GRWD1: variants seen among roughly 807,000 people sequenced by gnomAD.
GRWD1 encodes glutamate-rich WD repeat-containing protein 1.
A neutral mutation model predicts 45.3 loss-of-function variants in GRWD1; 29 were observed. That is an observed-to-expected ratio of 0.64 (90% CI 0.48 to 0.87). GRWD1 has a LOEUF of 0.87. GRWD1 is among the 40% of genes least tolerant of loss of function. GRWD1 has a pLI of 0.00. For missense variants in GRWD1, 592 were observed against 618.8 expected, an observed-to-expected ratio of 0.96 and a Z score of 0.46; for synonymous variants, 262 against 257.6, an observed-to-expected ratio of 1.02 and a Z score of -0.16.
chr19:48,447,779 G>A (rs976621035), intron 3 of GRWD1, among the ~76,000 whole-genome samples: 2 of 152,202 alleles, frequency 1.3e-5, no homozygotes, highest in African/African-American at 2.4e-5. Flanking sequence ...AGATTATGAG[G>A]ATATGGTTTA....
rs73942284 is a variant in GRWD1, at chr19:48,454,818, G to A, written c.*1793G>A. The A allele has an allele frequency of 0.11, 16,459 of 151,902 alleles. 1,505 individuals carry two copies. Among genetic ancestry groups the A allele is most frequent in the African/African-American group, 0.25 (10,441 of 41,210 alleles). 9.4% of individuals were successfully genotyped at this position (151,902 alleles called of 1,614,324 possible). ...TTTCTCACTGGCTTCCATCCTTTCA[G>A]AGAAACCCTCTCAGTCTGTCTGTCT... On this transcript the variant is annotated 3_prime_UTR_variant, in exon 7 of 7. Coordinates refer to ENST00000253237, the MANE Select transcript of GRWD1 (RefSeq NM_031485.4).
intron 3 of GRWD1, among the ~76,000 whole-genome samples, chr19:48,449,593 C>A (rs987270618): frequency 6.6e-6 from 1 of 152,172 alleles, no homozygotes; most frequent in South Asian, 2.1e-4. Flanking sequence ...AAAGCTGATG[C>A]AGAAGGATCG....
intron 3 of GRWD1, among the ~76,000 whole-genome samples, chr19:48,449,869 G>A (rs1971451158): frequency 6.6e-6 from 1 of 152,140 alleles, no homozygotes; most frequent in African/African-American, 2.4e-5. Flanking sequence ...CTGGAGCCCA[G>A]GGGAGAGGTC....
At chr19:48,449,502 T>G (rs553817751) in intron 3 of GRWD1, among the ~76,000 whole-genome samples, 1 of 152,120 alleles carries the variant, frequency 6.6e-6, no homozygotes, top group Non-Finnish European at 1.5e-5. Context: ...CAGGTGGCAA[T>G]TAGGAGCTTG....
intron 1 of GRWD1, 52 bp from the exon 2 acceptor site, chr19:48,446,333 C>G (rs1472275775): frequency 3.2e-6 from 5 of 1,581,260 alleles, no homozygotes; most frequent in Non-Finnish European, 4.3e-6. Context: ...GAGGTGGGGA[C>G]TGAGCTCTTA....
At chr19:48,449,247 G>A (rs1024631053) in intron 3 of GRWD1, among the ~76,000 whole-genome samples, 3 of 152,066 alleles carry the variant, frequency 2.0e-5, no homozygotes, top group Non-Finnish European at 4.4e-5. Context: ...CCACCCACCA[G>A]CACGCCCGAC....
At position 48,453,285 on chromosome 19, in the gene GRWD1, C is replaced by T. The variant is rs937478263; in HGVS notation, c.*260C>T. 7 of 410,852 alleles carry T rather than the reference C, an allele frequency of 1.7e-5. No homozygotes were observed. Among genetic ancestry groups the T allele is most frequent in the South Asian group, 5.7e-5 (1 of 17,526 alleles). 25.5% of individuals were successfully genotyped at this position (410,852 alleles called of 1,614,324 possible). A position where few individuals can be genotyped will look rare whatever the true frequency, so the allele number is the denominator to read the frequency against. On this transcript the variant is annotated 3_prime_UTR_variant, in exon 7 of 7. Transcript: ENST00000253237. ...GTGTGGCCTGGTGTGGCCTGTGTGT[C>T]GGATTCCTTCCTGTCAGCTGTGACC... is the stretch of plus-strand genomic sequence containing the variant.
At chr19:48,451,769 C>T (rs556267461) in intron 6 of GRWD1, among the ~76,000 whole-genome samples, 3 of 152,290 alleles carry the variant, frequency 2.0e-5, no homozygotes, top group Non-Finnish European at 4.4e-5. Flanking sequence ...TCTGCCTTCC[C>T]GGGCTGCCAT....
rs1043520859 is a variant in GRWD1, at chr19:48,453,125, C to T, written c.*100C>T. 1.6e-5 allele frequency: 17 copies of T among 1,091,112 alleles called. No homozygotes were observed. Among genetic ancestry groups the T allele is most frequent in the South Asian group, 4.7e-5 (3 of 64,150 alleles). The allele number at this position is 1,091,112 out of a possible 1,614,324, so 67.6% of individuals were successfully genotyped here. ...TTCAGGTCTGTTGACTGAGACTGGCCGGCCTGTGGGCTGCCGTGATGGATT... is the reference window on the plus strand; with the variant it reads ...TTCAGGTCTGTTGACTGAGACTGGCTGGCCTGTGGGCTGCCGTGATGGATT... On this transcript the variant is annotated 3_prime_UTR_variant, in exon 7 of 7. Coordinates refer to ENST00000253237, the MANE Select transcript of GRWD1 (RefSeq NM_031485.4).
At position 48,451,122 on chromosome 19, in the gene GRWD1, C is replaced by G; in HGVS notation, c.914C>G (p.Thr305Ser). 6.2e-7 allele frequency: 1 copy of G among 1,614,158 alleles called. No homozygotes were observed. Among genetic ancestry groups the G allele is most frequent in the Non-Finnish European group, 8.5e-7 (1 of 1,180,002 alleles). ...AAGGCCTGCATGCTCACCACAGCCA[C>G]CGCCCATGATGGGGACGTCAATGTC... ...PSKACMLTTA[T>S]AHDGDVNVIS... The change falls in exon 6 of 7, where the codon ACC (threonine) becomes AGC (serine). Residue 305 changes from threonine (T) to serine (S), a missense_variant. Transcript: ENST00000253237.
At position 48,456,385 on chromosome 19, in the gene GRWD1, G is replaced by A. The variant is rs7257118; in HGVS notation, c.*3360G>A. 0.17 allele frequency: 25,468 copies of A among 152,320 alleles called. 4,103 individuals are homozygous for A. Among genetic ancestry groups the A allele is most frequent in the African/African-American group, 0.42 (17,453 of 41,502 alleles). The allele number at this position is 152,320 out of a possible 1,614,324, so 9.4% of individuals were successfully genotyped here. ...CAGTCTCTAACATGCAGGGTTGTCAGGGGTGAGATAGAGTCAAGGTTGGGG... is the reference window on the plus strand; with the variant it reads ...CAGTCTCTAACATGCAGGGTTGTCAAGGGTGAGATAGAGTCAAGGTTGGGG... On this transcript the variant is annotated 3_prime_UTR_variant, in exon 7 of 7. Transcript: ENST00000253237.
chr19:48,450,391 C>A lies in GRWD1; in HGVS notation c.547C>A (p.Leu183Ile). Residue 183 changes from leucine to isoleucine, a missense_variant, in exon 4 of 7, where the codon CTT becomes ATT. By Grantham distance (5) the Leu-to-Ile change is conservative. Transcript: ENST00000253237. The surrounding 1 kb of genome is among the most constrained non-coding windows in gnomAD (Gnocchi z 5.1). ...GGTGGAGGTGTTTGCGCTGCGGCGGCTTCTGCAGGTGGTGGAGGAGCCCCA... is the reference window on the plus strand; with the variant it reads ...GGTGGAGGTGTTTGCGCTGCGGCGGATTCTGCAGGTGGTGGAGGAGCCCCA... ...GQVEVFALRRLLQVVEEPQAL... is the reference protein window; with the variant it reads ...GQVEVFALRRILQVVEEPQAL... The A allele has an allele frequency of 1.2e-6, 2 of 1,613,822 alleles. No individual in the cohort carries two copies.
At chr19:48,449,368 A>G (rs1971445371) in intron 3 of GRWD1, among the ~76,000 whole-genome samples, 1 of 152,172 alleles carries the variant, frequency 6.6e-6, no homozygotes, top group Non-Finnish European at 1.5e-5. Flanking sequence ...CTGGGATTAC[A>G]GGTGCGAGCC....
Position 48,452,808 on chromosome 19 carries a change from A to G in GRWD1, c.1124A>G (p.Asp375Gly), listed in dbSNP as rs1971491215. 6.2e-7 allele frequency: 1 copy of G among 1,613,042 alleles called. No homozygotes were observed. The highest frequency in any genetic ancestry group is 8.5e-7 in the Non-Finnish European group (1 of 1,179,252). ...GGGGTCTTTGCAGCCTCGGGTGCAGACCACCAGATCACACAGTGGGACCTG... is the reference window on the plus strand; with the variant it reads ...GGGGTCTTTGCAGCCTCGGGTGCAGGCCACCAGATCACACAGTGGGACCTG... ...DSGVFAASGA[D>G]HQITQWDLAV... The change falls in exon 7 of 7, where the codon GAC becomes GGC. Residue 375 changes from aspartate (D) to glycine (G), a missense_variant. Coordinates refer to ENST00000253237, the MANE Select transcript of GRWD1 (RefSeq NM_031485.4). This position sits in a 1 kb window ranked among gnomAD's most constrained non-coding sequence, Gnocchi z 5.1.
At position 48,451,251 on chromosome 19, in the gene GRWD1, C is replaced by A; in HGVS notation, c.1023+20C>A. On this transcript the variant is annotated intron_variant, in intron 6 of 6. Coordinates refer to ENST00000253237, the MANE Select transcript of GRWD1 (RefSeq NM_031485.4). ...TTCAAGGTATTTTCCCAGCCGGACA[C>A]CTGGGGGCTAGAGAAGCTTGCTCCC... The A allele has an allele frequency of 6.5e-7, 1 of 1,548,700 alleles. No individual in the cohort carries two copies. Among genetic ancestry groups the A allele is most frequent in the Non-Finnish European group, 8.7e-7 (1 of 1,142,912 alleles).
chr19:48,447,070 C>CTTT lies in GRWD1; in HGVS notation c.468+227_468+228insTTT, dbSNP rs2047466507. 1.6e-5 allele frequency among the ~76,000 whole-genome samples: 2 copies of CTTT among 124,120 alleles called. 1 individual carries two copies. The allele number at this position is 124,120 out of a possible 152,430, so 81.4% of individuals were successfully genotyped here. Reference sequence around the variant, plus strand: ...CAAGCGTGAGCCACCGTGCCTGGCCCATTTTTTTTTTTTTTTTTTTTGAGA... The same window carrying CTTT: ...CAAGCGTGAGCCACCGTGCCTGGCCCTTTATTTTTTTTTTTTTTTTTTTTGAGA... On this transcript the variant is annotated intron_variant, in intron 3 of 6. Coordinates refer to ENST00000253237, the MANE Select transcript of GRWD1 (RefSeq NM_031485.4).
At position 48,450,214 on chromosome 19, in the gene GRWD1, G is replaced by A. The variant is rs908758350; in HGVS notation, c.469-99G>A. The A allele has an allele frequency of 1.4e-5, 13 of 906,552 alleles. No individual in the cohort carries two copies. Among genetic ancestry groups the A allele is most frequent in the East Asian group, 1.1e-4 (4 of 37,838 alleles). The allele number at this position is 906,552 out of a possible 1,614,324, so 56.2% of individuals were successfully genotyped here. A position where few individuals can be genotyped will look rare whatever the true frequency, so the allele number is the denominator to read the frequency against. On this transcript the variant is annotated intron_variant, in intron 3 of 6. Transcript: ENST00000253237. The surrounding 1 kb of genome is among the most constrained non-coding windows in gnomAD (Gnocchi z 5.1). ...CCAGGCCTGGGAGATCTGAGGAAGC[G>A]CACTTCTGGTTCTCTGGGATATGGG...
Position 48,453,927 on chromosome 19 carries a change from G to A in GRWD1, c.*902G>A, listed in dbSNP as rs959264299. 1 of 152,090 alleles carries A rather than the reference G, an allele frequency of 6.6e-6. No individual in the cohort carries two copies. Among genetic ancestry groups the A allele is most frequent in the Non-Finnish European group, 1.5e-5 (1 of 68,032 alleles). The allele number at this position is 152,090 out of a possible 1,614,324, so 9.4% of individuals were successfully genotyped here. ...GGTGTATTTGAGACTCTGGTCCTTT[G>A]GCCACAGCCCTATGAGGAAACGGGG... On this transcript the variant is annotated 3_prime_UTR_variant, in exon 7 of 7. Transcript: ENST00000253237.
In GRWD1 at chr19:48,451,722, C is replaced by T. The variant is rs780168375; in HGVS notation, c.1023+491C>T. 3.9e-5 allele frequency among the ~76,000 whole-genome samples: 6 copies of T among 152,194 alleles called. No individual in the cohort carries two copies. In the East Asian group the frequency reaches 9.6e-4, roughly 24 times the overall value. On this transcript the variant is annotated intron_variant, in intron 6 of 6. Coordinates refer to ENST00000253237, the MANE Select transcript of GRWD1 (RefSeq NM_031485.4). ...CCTGTGCAGGAGAAGTTGCAGCGTC[C>T]GGCATCCCTCTGGACAAAGCCGCAG...
Sources: gnomAD v4.1 joint callset for allele counts (sites outside exome capture counted in the v4.1 genomes callset) on GRCh38, gnomAD v4.1.1 for gene constraint, Gnocchi (gnomAD v3.1) non-coding constraint, MANE v1.5 for transcripts, NCBI Gene and HGNC (gene_info 2026-07-23, HGNC 2026-07-21) for gene names.